MAPKAPK3: variants seen among roughly 807,000 people sequenced by gnomAD.
MAPKAPK3 encodes MAP kinase-activated protein kinase 3.
MAPKAPK3 carries 35 observed loss-of-function variants against 49.2 expected under a neutral mutation model. That is an observed-to-expected ratio of 0.71 (90% confidence interval 0.54 to 0.94). MAPKAPK3 has a LOEUF of 0.94. Ranked by LOEUF, MAPKAPK3 falls within the 40% of genes least tolerant of loss-of-function variation. The probability of loss-of-function intolerance (pLI) is 0.00; values close to 1 mark genes in which losing one functional copy is unlikely to be tolerated. For synonymous variants in MAPKAPK3, 178 were observed against 188.7 expected (o/e 0.94, Z 0.46); for missense variants, 398 against 493.1 (o/e 0.81, Z 1.83).
At chr3:50,614,795 T>C (rs758253898), upstream of MAPKAPK3, among the ~76,000 whole-genome samples, 2 of 152,170 alleles carry the variant, frequency 1.3e-5, no homozygotes, top group Non-Finnish European at 2.9e-5. Flanking sequence ...ATCTCTCCGA[T>C]GGACCCATGT....
intron 3 of MAPKAPK3, among the ~76,000 whole-genome samples, chr3:50,641,259 G>T (rs1419220124): frequency 6.6e-6 from 1 of 152,214 alleles, no homozygotes; most frequent in East Asian, 1.9e-4. Flanking sequence ...GCACAGAGAG[G>T]TGAAAGAACC....
chr3:50,644,348 T>C lies in MAPKAPK3; in HGVS notation c.505-61T>C, dbSNP rs993414124. 3.7e-5 allele frequency: 60 copies of C among 1,601,520 alleles called. No individual in the cohort carries two copies. In the South Asian group the frequency reaches 6.3e-4, roughly 17 times the overall value. On this transcript the variant is annotated intron_variant, in intron 5 of 10. Transcript: ENST00000621469. ...TCGGGGAGTCTGGCTGAAGATCACC[T>C]TGGGGCTCTGCTCCTGCCTGGTTCC...
At chr3:50,617,355 C>G (rs1010981482) in intron 1 of MAPKAPK3, 114 bp downstream of exon 1, 14 of 492,336 alleles carry the variant, frequency 2.8e-5, no homozygotes, top group Non-Finnish European at 4.7e-5. Context: ...TGTACCCCGC[C>G]GCGCGACCAC....
intron 2 of MAPKAPK3, among the ~76,000 whole-genome samples, chr3:50,628,828 C>T (rs1340976453): frequency 6.6e-6 from 1 of 152,204 alleles, no homozygotes; most frequent in Non-Finnish European, 1.5e-5. Flanking sequence ...AGTGGGTGCC[C>T]AGTTCACAGA....
At chr3:50,634,365 G>A (rs1365571977) in intron 2 of MAPKAPK3, among the ~76,000 whole-genome samples, 1 of 152,142 alleles carries the variant, frequency 6.6e-6, no homozygotes, top group Non-Finnish European at 1.5e-5. Context: ...CTGTGGAGCT[G>A]CCCAAGTGCC....
intron 2 of MAPKAPK3, among the ~76,000 whole-genome samples, chr3:50,629,066 G>A (rs2032836490): frequency 1.3e-5 from 2 of 152,202 alleles, no homozygotes; most frequent in South Asian, 2.1e-4. Flanking sequence ...TTCAGTCTTG[G>A]TTCCCATTCC....
upstream of MAPKAPK3, among the ~76,000 whole-genome samples, chr3:50,615,308 A>C (rs1454379538): frequency 7.9e-6 from 1 of 125,806 alleles, no homozygotes; most frequent in Non-Finnish European, 1.9e-5. Flanking sequence ...GCTGGGCATA[A>C]ATGCATGTGT....
At chr3:50,646,716 C>A in intron 8 of MAPKAPK3, 24 bp from the exon 9 acceptor site, 1 of 1,582,848 alleles carries the variant, frequency 6.3e-7, no homozygotes, top group Non-Finnish European at 8.7e-7. Flanking sequence ...CTCATCTCTC[C>A]CCTCTCTTCC....
At position 50,645,735 on chromosome 3, in the gene MAPKAPK3, G is replaced by T. The variant is rs1559490733; in HGVS notation, c.654G>T (p.Lys218Asn). Residue 218 changes from lysine to asparagine, a missense_variant, in exon 7 of 11, where the codon AAG (lysine) becomes AAT (asparagine). By Grantham distance (94) the Lys-to-Asn change is moderately conservative. This residue lies in a region of MAPKAPK3 where 30 missense variants were observed against 70.5 expected (regional missense o/e 0.43). Coordinates refer to ENST00000621469, the MANE Select transcript of MAPKAPK3 (RefSeq NM_001243925.2). ...YVAPEVLGPE[K>N]YDKSCDMWSL... ...CCCCTGAGGTCCTGGGTCCAGAGAA[G>T]TATGACAAGTCATGTGACATGTGGT... 3.7e-6 allele frequency: 6 copies of T among 1,614,144 alleles called. No homozygotes were observed. Among genetic ancestry groups the T allele is most frequent in the Non-Finnish European group, 5.1e-6 (6 of 1,179,992 alleles).
chr3:50,622,085 A>G (rs998959922), intron 2 of MAPKAPK3, among the ~76,000 whole-genome samples: 1 of 152,188 alleles, frequency 6.6e-6, no homozygotes, highest in Non-Finnish European at 1.5e-5. Flanking sequence ...CCTCTGGGAC[A>G]GTTTCCTTCC....
rs568185621 is a variant in MAPKAPK3, at chr3:50,647,128, G to C, written c.921G>C (p.Ser307=). Reference sequence around the variant, plus strand: ...GGGCGTGGGGCTCCTTCCAGCAATCGATGGTAGTGCCACAGACCCCACTCC... The same window carrying C: ...GGGCGTGGGGCTCCTTCCAGCAATCCATGGTAGTGCCACAGACCCCACTCC... ...QFMNHPWINQ[S]MVVPQTPLHT... Residue 307 remains serine, a synonymous_variant, in exon 10 of 11, where the codon TCG becomes TCC. Transcript: ENST00000621469. 2 of 1,582,824 alleles carry C rather than the reference G, an allele frequency of 1.3e-6. No individual in the cohort carries two copies. Among genetic ancestry groups the C allele is most frequent in the East Asian group, 2.3e-5 (1 of 43,356 alleles).
intron 2 of MAPKAPK3, among the ~76,000 whole-genome samples, chr3:50,620,828 A>G (rs928797470): frequency 6.6e-6 from 1 of 152,112 alleles, no homozygotes; most frequent in Admixed American, 6.5e-5. Flanking sequence ...GAGAGGGTGT[A>G]TGGGCCAGGC....
At chr3:50,630,254 C>T (rs1258391791) in intron 2 of MAPKAPK3, among the ~76,000 whole-genome samples, 1 of 152,204 alleles carries the variant, frequency 6.6e-6, no homozygotes, top group African/African-American at 2.4e-5. Context: ...AGTGACTCAT[C>T]CATAGACCCC....
chr3:50,623,279 A>G (rs1395575393), intron 2 of MAPKAPK3, among the ~76,000 whole-genome samples: 6 of 152,250 alleles, frequency 3.9e-5, no homozygotes, highest in Non-Finnish European at 7.3e-5. Context: ...CCAGAGTGTT[A>G]ACTGCCAGGG....
chr3:50,642,307 A>G lies in MAPKAPK3; in HGVS notation c.479A>G (p.His160Arg). Residue 160 changes from histidine (H) to arginine (R), a missense_variant, in exon 5 of 11, where the codon CAT becomes CGT. Physicochemically the swap from His to Arg is conservative, Grantham distance 29. Transcript: ENST00000621469. ...IGTAIQFLHS[H>R]NIAHRDVKPE... is the part of the protein sequence containing the mutation. ...ACTGCCATCCAGTTTCTGCACAGCCATAACATTGCCCACCGAGATGTCAAG... is the reference window on the plus strand; with the variant it reads ...ACTGCCATCCAGTTTCTGCACAGCCGTAACATTGCCCACCGAGATGTCAAG... The G allele has an allele frequency of 1.9e-6, 3 of 1,596,904 alleles. No homozygotes were observed. Among genetic ancestry groups the G allele is most frequent in the South Asian group, 1.1e-5 (1 of 90,178 alleles).
At chr3:50,637,719 GAGA>G (rs2033076699) in intron 2 of MAPKAPK3, among the ~76,000 whole-genome samples, 5 of 127,886 alleles carry the variant, frequency 3.9e-5, no homozygotes, top group African/African-American at 1.4e-4. Context: ...GAGAGAGAGA[GAGA>G]GATGGAGACA....
intron 2 of MAPKAPK3, among the ~76,000 whole-genome samples, chr3:50,636,541 G>T (rs1678635327): frequency 6.6e-6 from 1 of 152,228 alleles, no homozygotes; most frequent in Non-Finnish European, 1.5e-5. Context: ...TGTCTTGATG[G>T]AAGTTTGGGT....
chr3:50,616,484 G>A (rs2032466125), upstream of MAPKAPK3, among the ~76,000 whole-genome samples: 1 of 152,180 alleles, frequency 6.6e-6, no homozygotes, highest in Non-Finnish European at 1.5e-5. Flanking sequence ...TTTTAAACAC[G>A]ACGCCAAAAG....
intron 5 of MAPKAPK3, 75 bp downstream of exon 5, chr3:50,642,407 A>G: frequency 9.1e-7 from 1 of 1,099,338 alleles, no homozygotes; most frequent in Non-Finnish European, 1.4e-6. Context: ...GATGGCATCC[A>G]GGACCCACTG....
Sources: allele counts gnomAD v4.1 joint callset (sites outside exome capture counted in the v4.1 genomes callset), GRCh38; gene constraint gnomAD v4.1.1; regional missense constraint gnomAD v4.1.1; transcripts MANE v1.5; gene names NCBI Gene and HGNC (gene_info 2026-07-23, HGNC 2026-07-21).